The following HS3ST4 variants were observed in gnomAD, a reference collection of about 807,000 sequenced individuals.
HS3ST4 encodes heparan sulfate-glucosamine 3-sulfotransferase 4, also known as heparan sulfate glucosamine 3-O-sulfotransferase 4.
Under a neutral mutation model 29.2 loss-of-function variants are expected in HS3ST4, and 17 were observed. The ratio of observed to expected loss-of-function variants is 0.58; its 90% CI spans 0.40 to 0.87. HS3ST4 has a LOEUF of 0.87. Among genes scored for constraint, HS3ST4 ranks in the 40% least tolerant of loss-of-function variants. The probability of loss-of-function intolerance (pLI) is 0.00; values close to 1 mark genes in which losing one functional copy is unlikely to be tolerated. For missense variants in HS3ST4, 627 were observed against 634.5 expected (o/e 0.99, Z 0.13); for synonymous variants, 314 against 285.7 (o/e 1.10, Z -1.00).
chr16:25,978,072 A>G (rs978605921), intron 1 of HS3ST4, among the ~76,000 whole-genome samples: 4 of 152,240 alleles, frequency 2.6e-5, no homozygotes, highest in Non-Finnish European at 5.9e-5. Flanking sequence ...TCTACCATGC[A>G]GGAACGTGGT....
chr16:26,107,482 A>T (rs551421407), intron 1 of HS3ST4, among the ~76,000 whole-genome samples: 1 of 152,254 alleles, frequency 6.6e-6, no homozygotes, highest in South Asian at 2.1e-4. Context: ...ATTTCAGTGC[A>T]CCTGTCACTG....
At chr16:25,773,823 C>T (rs184867761) in intron 1 of HS3ST4, among the ~76,000 whole-genome samples, 37 of 152,260 alleles carry the variant, frequency 2.4e-4, no homozygotes, top group Admixed American at 8.5e-4. Context: ...CTGAGTCTCC[C>T]GTGTCGATTA....
intron 1 of HS3ST4, among the ~76,000 whole-genome samples, chr16:25,761,723 A>G (rs952930340): frequency 1.3e-5 from 2 of 152,182 alleles, no homozygotes; most frequent in Non-Finnish European, 1.5e-5. Flanking sequence ...TGCCTCATCT[A>G]TGTCTCTGCT....
chr16:25,968,450 T>G (rs1968865401), intron 1 of HS3ST4, among the ~76,000 whole-genome samples: 1 of 152,180 alleles, frequency 6.6e-6, no homozygotes, highest in African/African-American at 2.4e-5. Context: ...GCACTCCAAT[T>G]TGCTGCCCCC....
intron 1 of HS3ST4, among the ~76,000 whole-genome samples, chr16:25,807,933 A>C (rs1388747004): frequency 1.3e-5 from 2 of 150,928 alleles, no homozygotes; most frequent in African/African-American, 4.9e-5. Context: ...CTTATTTTCC[A>C]TTTTCTTTGG....
chr16:26,103,492 G>A (rs572989143), intron 1 of HS3ST4, among the ~76,000 whole-genome samples: 1 of 152,062 alleles, frequency 6.6e-6, no homozygotes, highest in African/African-American at 2.4e-5. Context: ...CTCCCCACTG[G>A]CCTCACAAGA....
chr16:25,834,570 A>G (rs1967338185), intron 1 of HS3ST4, among the ~76,000 whole-genome samples: 1 of 152,250 alleles, frequency 6.6e-6, no homozygotes, highest in South Asian at 2.1e-4. Context: ...GTAGCCATTT[A>G]TAGTATAATT....
chr16:25,948,634 T>G (rs1455153547), intron 1 of HS3ST4, among the ~76,000 whole-genome samples: 2 of 152,138 alleles, frequency 1.3e-5, no homozygotes, highest in Non-Finnish European at 2.9e-5. Flanking sequence ...GATTCTTGAG[T>G]TTAGGTATGG....
intron 1 of HS3ST4, among the ~76,000 whole-genome samples, chr16:25,956,997 C>CAAAAAAAAAAA (rs11382105): frequency 1.3e-5 from 1 of 77,834 alleles, no homozygotes; most frequent in Non-Finnish European, 2.3e-5. Flanking sequence ...GACTCCGTCT[C>CAAAAAAAAAAA]AAAAAAAAAA....
chr16:25,731,401 C>G (rs537314168), intron 1 of HS3ST4, among the ~76,000 whole-genome samples: 121 of 152,250 alleles, frequency 7.9e-4, no homozygotes, highest in African/African-American at 2.8e-3. Flanking sequence ...AGTGCAGTGG[C>G]ACAATTACGG....
intron 1 of HS3ST4, among the ~76,000 whole-genome samples, chr16:25,768,275 T>A (rs758993974): frequency 4.6e-5 from 7 of 152,222 alleles, no homozygotes; most frequent in Non-Finnish European, 7.3e-5. Context: ...TCCAGACTCA[T>A]TTATTTGCTT....
intron 1 of HS3ST4, among the ~76,000 whole-genome samples, chr16:25,970,382 A>G (rs944562555): frequency 1.3e-5 from 2 of 152,240 alleles, no homozygotes; most frequent in African/African-American, 4.8e-5. Context: ...TTAAAGTGAA[A>G]GGAGAGTTGT....
chr16:25,904,447 T>G (rs1380996714), intron 1 of HS3ST4, among the ~76,000 whole-genome samples: 1 of 152,230 alleles, frequency 6.6e-6, no homozygotes, highest in Admixed American at 6.5e-5. Flanking sequence ...AAATCGAATA[T>G]ACTTTTGAGC....
rs773957432 is a variant in HS3ST4, at chr16:26,082,095, G to T, written c.735-53517G>T. 2.0e-5 allele frequency among the ~76,000 whole-genome samples: 3 copies of T among 152,076 alleles called. No individual in the cohort carries two copies. In the East Asian group the frequency reaches 5.8e-4, roughly 29 times the overall value. On this transcript the variant is annotated intron_variant, in intron 1 of 1. Coordinates refer to ENST00000331351, the MANE Select transcript of HS3ST4 (RefSeq NM_006040.3). Reference sequence around the variant, plus strand: ...CAGGCATGAGCCACCGGACACGGCCGGGAGTGCATTCTTTGAAATGGGAGG... The same window carrying T: ...CAGGCATGAGCCACCGGACACGGCCTGGAGTGCATTCTTTGAAATGGGAGG...
chr16:25,712,261 T>G (rs1276930014), intron 1 of HS3ST4, among the ~76,000 whole-genome samples: 1 of 152,232 alleles, frequency 6.6e-6, no homozygotes, highest in East Asian at 1.9e-4. Context: ...GTGGCTCACC[T>G]CTATACTCCC....
chr16:25,835,872 C>G (rs1219661540), intron 1 of HS3ST4, among the ~76,000 whole-genome samples: 1 of 152,090 alleles, frequency 6.6e-6, no homozygotes, highest in Non-Finnish European at 1.5e-5. Context: ...TGCTTGCGAG[C>G]AACAGAAATT....
At chr16:25,976,756 G>A (rs1422771975) in intron 1 of HS3ST4, among the ~76,000 whole-genome samples, 2 of 152,110 alleles carry the variant, frequency 1.3e-5, no homozygotes, top group Admixed American at 1.3e-4. Context: ...AAATCTTTTT[G>A]TAAATGACCA....
In HS3ST4 at chr16:26,002,759, AAG is replaced by A. The variant is rs572792039; in HGVS notation, c.735-132845_735-132844del. Among the ~76,000 whole-genome samples, 68 of 151,600 alleles carry A rather than the reference AAG, an allele frequency of 4.5e-4. No homozygotes were observed. In the South Asian group the frequency reaches 0.012, roughly 26 times the overall value. On this transcript the variant is annotated intron_variant, in intron 1 of 1. Transcript: ENST00000331351. ...AGAGAGGGAAAGAGAGAAAGAAAGA[AAG>A]AGAGAGAAAAAGAAGGAAAGAAAGA...
chr16:25,996,254 T>A (rs1361186997), intron 1 of HS3ST4, among the ~76,000 whole-genome samples: 4 of 152,186 alleles, frequency 2.6e-5, no homozygotes, highest in Admixed American at 1.3e-4. Flanking sequence ...AAATGTGATT[T>A]CTATGTACCC....
Sources: gnomAD v4.1 joint callset for allele counts (sites outside exome capture counted in the v4.1 genomes callset) on GRCh38, gnomAD v4.1.1 for gene constraint, MANE v1.5 for transcripts, NCBI Gene and HGNC (gene_info 2026-07-23, HGNC 2026-07-21) for gene names.